The following DLG5 variants were observed in gnomAD, a reference collection of about 807,000 sequenced individuals.
DLG5 encodes the protein disks large homolog 5.
In DLG5, 48 loss-of-function variants were observed where a neutral mutation model predicts 189.8. The ratio of observed to expected loss-of-function variants is 0.25; its 90% CI spans 0.20 to 0.32. The LOEUF (loss-of-function observed/expected upper bound fraction) is 0.32. Ranked by LOEUF, DLG5 falls within the 10% of genes least tolerant of loss-of-function variation. The probability of loss-of-function intolerance (pLI) is 1.00; values close to 1 mark genes in which losing one functional copy is unlikely to be tolerated. For missense variants in DLG5, 2,160 were observed against 2,544.7 expected, an observed-to-expected ratio of 0.85 and a Z score of 3.25; for synonymous variants, 1,016 against 1,054.1, an observed-to-expected ratio of 0.96 and a Z score of 0.70.
intron 7 of DLG5, among the ~76,000 whole-genome samples, chr10:77,839,055 G>A (rs1843291483): frequency 6.6e-6 from 1 of 152,242 alleles, no homozygotes; most frequent in Non-Finnish European, 1.5e-5. Context: ...TGAATGGCTC[G>A]CCTGAGTGCT....
chr10:77,795,361 C>T (rs1044980755), intron 29 of DLG5, among the ~76,000 whole-genome samples: 1 of 152,148 alleles, frequency 6.6e-6, no homozygotes, highest in East Asian at 1.9e-4. Flanking sequence ...TCATGTCTGT[C>T]GTCCCAGGCA....
Position 77,919,824 on chromosome 10 carries a change from C to T in DLG5, c.304+6393G>A, listed in dbSNP as rs375263407. ...GCTTCCATCACAGACATACCGTGGG[C>T]GGTGATATCCCTGTGTACATCTGGG... is the stretch of plus-strand genomic sequence containing the variant. On this transcript the variant is annotated intron_variant, in intron 1 of 31. Transcript: ENST00000372391. Among the ~76,000 whole-genome samples, 24 of 152,156 alleles carry T rather than the reference C, an allele frequency of 1.6e-4. No individual in the cohort carries two copies. The South Asian group carries it at 4.2e-3, about 26-fold the overall frequency.
At position 77,899,785 on chromosome 10, in the gene DLG5, C is replaced by G. The variant is rs535115780; in HGVS notation, c.304+26432G>C. The stretch of plus-strand genomic sequence containing the variant: ...TCAGCTCAGAGCCTTGGCAAGCCAT[C>G]CCTGCCGCCCACTGGAGATGGCTGA... On this transcript the variant is annotated intron_variant, in intron 1 of 31. Transcript: ENST00000372391. 5.9e-5 allele frequency among the ~76,000 whole-genome samples: 9 copies of G among 152,298 alleles called. No individual in the cohort carries two copies. In the East Asian group the frequency reaches 1.7e-3, roughly 30 times the overall value.
intron 1 of DLG5, among the ~76,000 whole-genome samples, chr10:77,890,044 CA>C (rs1845560334): frequency 6.6e-6 from 1 of 151,900 alleles, no homozygotes; most frequent in Non-Finnish European, 1.5e-5. Context: ...CACAAAGCCA[CA>C]ACAAATGTGG....
At chr10:77,901,626 A>G (rs565776116) in intron 1 of DLG5, among the ~76,000 whole-genome samples, 1 of 152,348 alleles carries the variant, frequency 6.6e-6, no homozygotes, top group South Asian at 2.1e-4. Flanking sequence ...CACTGCAGAC[A>G]ATGGCTGGGA....
chr10:77,833,816 C>G lies in DLG5; in HGVS notation c.1748+98G>C. The G allele has an allele frequency of 3.3e-6, 5 of 1,523,888 alleles. No individual in the cohort carries two copies. In the South Asian group the frequency reaches 6.1e-5, roughly 19 times the overall value. 94.4% of individuals were successfully genotyped at this position (1,523,888 alleles called of 1,614,324 possible). A position where few individuals can be genotyped will look rare whatever the true frequency, so the allele number is the denominator to read the frequency against. On this transcript the variant is annotated intron_variant, in intron 9 of 31. Coordinates refer to ENST00000372391, the MANE Select transcript of DLG5 (RefSeq NM_004747.4). ...GCCAGCTCGACGCAGAAGGATGAGG[C>G]CCTGGCCAATGCACTCAGCATTGCC... is the stretch of plus-strand genomic sequence containing the variant.
At chr10:77,807,545 G>C (rs1411663351) in intron 25 of DLG5, among the ~76,000 whole-genome samples, 1 of 152,196 alleles carries the variant, frequency 6.6e-6, no homozygotes, top group Non-Finnish European at 1.5e-5. Flanking sequence ...AACGGGGCTT[G>C]ACTGCCTCCA....
chr10:77,825,716 C>T (rs1019130149), intron 13 of DLG5, among the ~76,000 whole-genome samples: 29 of 151,912 alleles, frequency 1.9e-4, no homozygotes, highest in African/African-American at 6.5e-4. Context: ...CCTCCATGCC[C>T]GGCTAATATT....
intron 1 of DLG5, among the ~76,000 whole-genome samples, chr10:77,869,885 T>C (rs1844830706): frequency 6.6e-6 from 1 of 152,150 alleles, no homozygotes; most frequent in Non-Finnish European, 1.5e-5. Flanking sequence ...TTTCTGAACC[T>C]AGCTCTATGT....
rs1840929908 is a variant in DLG5, at chr10:77,796,511, C to T, written c.5248G>A (p.Asp1750Asn). The change falls in exon 28 of 32, where the codon GAC becomes AAC. Residue 1750 changes from aspartate to asparagine, a missense_variant. Transcript: ENST00000372391. This position sits in a 1 kb window ranked among gnomAD's most constrained non-coding sequence, Gnocchi z 5.2. The stretch of plus-strand genomic sequence containing the variant: ...TTCACCAGCATCTCCTTCACCACGT[C>T]CAGCAAAGGCCCCAGAATCAGGACA... ...RPVLILGPLL[D>N]VVKEMLVNEA... 6.2e-7 allele frequency: 1 copy of T among 1,614,204 alleles called. No individual in the cohort carries two copies. Among genetic ancestry groups the T allele is most frequent in the South Asian group, 1.1e-5 (1 of 91,080 alleles).
rs901101434 is a variant in DLG5 at position 77,906,610 on chromosome 10, C to T, written c.304+19607G>A. Among the ~76,000 whole-genome samples the T allele has an allele frequency of 7.5e-4, 110 of 146,128 alleles. 1 individual carries two copies. Among genetic ancestry groups the T allele is most frequent in the African/African-American group, 2.7e-3 (108 of 39,906 alleles). On this transcript the variant is annotated intron_variant, in intron 1 of 31. Coordinates refer to ENST00000372391, the MANE Select transcript of DLG5 (RefSeq NM_004747.4). ...TTCAGGATGGGCAGCAACAGTGCTG[C>T]GCTCCACTTTTTTTTTTTTTTTTTT...
intron 5 of DLG5, among the ~76,000 whole-genome samples, chr10:77,851,373 G>A (rs1353673101): frequency 6.6e-6 from 1 of 152,170 alleles, no homozygotes; most frequent in South Asian, 2.1e-4. Context: ...GAGCTAGCAC[G>A]GCACTTTCTA....
At chr10:77,830,899 C>CA in intron 9 of DLG5, 26 bp from the exon 10 acceptor site, 1 of 1,612,490 alleles carries the variant, frequency 6.2e-7, no homozygotes, top group Non-Finnish European at 8.5e-7. Flanking sequence ...GCCACGGTGA[C>CA]AGCCCCTTGG....
chr10:77,921,841 T>G (rs1846544339), intron 1 of DLG5, among the ~76,000 whole-genome samples: 1 of 151,334 alleles, frequency 6.6e-6, no homozygotes, highest in African/African-American at 2.4e-5. Context: ...GTGTGGGGAG[T>G]GGGAACGAGA....
chr10:77,925,442 A>G (rs112128402), intron 1 of DLG5, among the ~76,000 whole-genome samples: 21 of 152,194 alleles, frequency 1.4e-4, no homozygotes, highest in African/African-American at 5.1e-4. Flanking sequence ...AACTCCCGCC[A>G]GTATCCGTTC....
At chr10:77,818,619 G>A (rs760743112) in intron 17 of DLG5, among the ~76,000 whole-genome samples, 22 of 152,140 alleles carry the variant, frequency 1.4e-4, no homozygotes, top group Non-Finnish European at 2.5e-4. Flanking sequence ...GTCTTGTGCA[G>A]CTGGCCTCTT....
In DLG5 at chr10:77,842,178, G is replaced by A. The variant is rs779756566; in HGVS notation, c.1140C>T (p.His380=). 6.2e-6 allele frequency: 10 copies of A among 1,603,372 alleles called. No homozygotes were observed. The highest frequency in any genetic ancestry group is 1.3e-5 in the African/African-American group (1 of 74,940). The change falls in exon 7 of 32, where the codon CAC becomes CAT. Residue 380 remains histidine, a synonymous_variant. Transcript: ENST00000372391. The part of the protein sequence containing the change: ...ALSLRRFEAI[H]HELNKATAQN... ...GCGCCGTGGCCTTGTTCAGCTCATG[G>A]TGGATCGCCTCAAACCTGGCAAGAG... is the stretch of plus-strand genomic sequence containing the variant.
Position 77,821,370 on chromosome 10 carries a change from C to A in DLG5, c.3114G>T (p.Leu1038=). 2.5e-6 allele frequency: 4 copies of A among 1,612,708 alleles called. No individual in the cohort carries two copies. Among genetic ancestry groups the A allele is most frequent in the Non-Finnish European group, 3.4e-6 (4 of 1,179,968 alleles). ...LETSSESEAT[L]VGSSPSTSPP... The stretch of plus-strand genomic sequence containing the variant: ...GACTAGTGGATGGGGAGCTGCCCAC[C>A]AGAGTGGCTTCTGACTCGGAGCTAG... The change falls in exon 15 of 32, where the codon CTG becomes CTT. Residue 1038 remains leucine, a synonymous_variant. Transcript: ENST00000372391.
Position 77,812,151 on chromosome 10 carries a change from G to T in DLG5, c.4188+64C>A, listed in dbSNP as rs930744513. 3 of 1,596,502 alleles carry T rather than the reference G, an allele frequency of 1.9e-6. No individual in the cohort carries two copies. The African/African-American group carries it at 4.0e-5, about 21-fold the overall frequency. On this transcript the variant is annotated intron_variant, in intron 21 of 31. Transcript: ENST00000372391. ...TTGGGAGCACTGCTGTTCCCTAGGAGGAGGAGAGGGGGAAGAAGTGCAGGT... is the reference window on the plus strand; with the variant it reads ...TTGGGAGCACTGCTGTTCCCTAGGATGAGGAGAGGGGGAAGAAGTGCAGGT...
Sources: gnomAD v4.1 joint callset for allele counts (sites outside exome capture counted in the v4.1 genomes callset) on GRCh38, gnomAD v4.1.1 for gene constraint, Gnocchi (gnomAD v3.1) non-coding constraint, MANE v1.5 for transcripts, NCBI Gene and HGNC (gene_info 2026-07-23, HGNC 2026-07-21) for gene names.